Variants in DISP1 observed in about 807,000 individuals in gnomAD.
DISP1 encodes protein dispatched homolog 1.
In DISP1, 30 loss-of-function variants were observed where a neutral mutation model predicts 37.3. The observed-to-expected ratio is 0.80, with a 90% CI of 0.60 to 1.09. The LOEUF is 1.09. Among genes scored for constraint, DISP1 ranks in the 50% least tolerant of loss-of-function variants. The probability of loss-of-function intolerance (pLI) is 0.00; values close to 1 mark genes in which losing one functional copy is unlikely to be tolerated. For missense variants in DISP1, 1,598 were observed against 1,879.5 expected (o/e 0.85, Z 2.77); for synonymous variants, 634 against 690.2 (o/e 0.92, Z 1.28).
intron 1 of DISP1, among the ~76,000 whole-genome samples, chr1:222,896,062 C>G (rs1301131820): frequency 6.6e-6 from 1 of 152,094 alleles, no homozygotes; most frequent in Non-Finnish European, 1.5e-5. Context: ...GTAATCCCAG[C>G]AGTTTGGGAG....
intron 1 of DISP1, among the ~76,000 whole-genome samples, chr1:222,897,020 T>C (rs1235828257): frequency 6.6e-6 from 1 of 152,196 alleles, no homozygotes; most frequent in African/African-American, 2.4e-5. Flanking sequence ...CATGAAAACA[T>C]GTGCCCACAA....
rs747946151 is a variant in DISP1 at position 223,004,367 on chromosome 1, G to A, written c.2970G>A (p.Leu990=). The A allele has an allele frequency of 1.2e-6, 2 of 1,614,210 alleles. No individual in the cohort carries two copies. Among genetic ancestry groups the A allele is most frequent in the South Asian group, 2.2e-5 (2 of 91,084 alleles). ...ATGGCACCCTCATTGCCATGGGGCT[G>A]TCAGTTGCTGTTGCATTTAGCGTGA... ...LSDGTLIAMG[L]SVAVAFSVML... Residue 990 remains leucine (L), a synonymous_variant, in exon 9 of 9, where the codon CTG becomes CTA. Coordinates refer to ENST00000675850, the MANE Select transcript of DISP1 (RefSeq NM_001377229.1). The surrounding 1 kb of genome is among the most constrained non-coding windows in gnomAD (Gnocchi z 4.9).
At chr1:222,871,108 C>T (rs541579076) in intron 1 of DISP1, among the ~76,000 whole-genome samples, 101 of 151,804 alleles carry the variant, frequency 6.7e-4, no homozygotes, top group Admixed American at 1.8e-3. Flanking sequence ...TGTAGATACG[C>T]GGCATTATTT....
rs1034434962 is a variant in DISP1, at chr1:222,994,777, A to G, written c.890-108A>G. Reference sequence around the variant, plus strand: ...GGAAAGAATTTCCTGCTGCTAATGAATCATCCATGTGGTTTCCCAGTTTGA... The same window carrying G: ...GGAAAGAATTTCCTGCTGCTAATGAGTCATCCATGTGGTTTCCCAGTTTGA... On this transcript the variant is annotated intron_variant, in intron 7 of 8. Transcript: ENST00000675850. The G allele has an allele frequency of 1.7e-5, 13 of 787,462 alleles. No homozygotes were observed. In the African/African-American group the frequency reaches 1.9e-4, roughly 12 times the overall value. 48.8% of individuals were successfully genotyped at this position (787,462 alleles called of 1,614,324 possible).
chr1:222,922,757 A>C (rs571035064), intron 1 of DISP1, among the ~76,000 whole-genome samples: 8 of 152,306 alleles, frequency 5.3e-5, no homozygotes, highest in African/African-American at 1.9e-4. Flanking sequence ...GGCAGGAGAC[A>C]TAAAGCAGAA....
chr1:222,820,789 G>A (rs951515832), intron 1 of DISP1, among the ~76,000 whole-genome samples: 1 of 152,084 alleles, frequency 6.6e-6, no homozygotes, highest in Non-Finnish European at 1.5e-5. Context: ...TACATAATGT[G>A]CTTAGCATAA....
chr1:222,943,478 CA>C, intron 3 of DISP1, 146 bp downstream of exon 3: 1 of 1,099,692 alleles, frequency 9.1e-7, no homozygotes, highest in Non-Finnish European at 1.3e-6. Context: ...TGTGTGAAGC[CA>C]ACAAAAACGC....
At chr1:222,836,923 G>T (rs1667217054) in intron 1 of DISP1, 1 of 395,520 alleles carries the variant, frequency 2.5e-6, no homozygotes, top group Non-Finnish European at 4.5e-6. Context: ...TCTTTAATAG[G>T]GATTATAATA....
At chr1:223,000,874 T>C (rs879597885) in intron 8 of DISP1, among the ~76,000 whole-genome samples, 13 of 151,988 alleles carry the variant, frequency 8.6e-5, no homozygotes, top group Middle Eastern at 3.2e-3. Flanking sequence ...AAAGAGTGTT[T>C]TTAATCCTAC....
At chr1:222,853,080 T>G (rs994862924) in intron 1 of DISP1, among the ~76,000 whole-genome samples, 16 of 152,164 alleles carry the variant, frequency 1.1e-4, no homozygotes, top group Non-Finnish European at 2.2e-4. Flanking sequence ...ATTAGTTATT[T>G]CATAGAAAAA....
At chr1:222,871,240 G>A (rs1408960434) in intron 1 of DISP1, among the ~76,000 whole-genome samples, 1 of 152,146 alleles carries the variant, frequency 6.6e-6, no homozygotes, top group Non-Finnish European at 1.5e-5. Context: ...CTCCAGCTTT[G>A]TTCTTTTGGC....
chr1:222,947,962 G>A (rs1674918498), intron 3 of DISP1, among the ~76,000 whole-genome samples: 1 of 152,182 alleles, frequency 6.6e-6, no homozygotes, highest in South Asian at 2.1e-4. Flanking sequence ...GATTTAGGAG[G>A]TGGAATCTAC....
At chr1:222,904,091 T>G (rs1196674197) in intron 1 of DISP1, among the ~76,000 whole-genome samples, 1 of 152,212 alleles carries the variant, frequency 6.6e-6, no homozygotes, top group Non-Finnish European at 1.5e-5. Context: ...ATTTCCCTAA[T>G]TGGGAAGGAT....
intron 1 of DISP1, among the ~76,000 whole-genome samples, chr1:222,877,213 G>A (rs1670016950): frequency 1.3e-5 from 2 of 152,166 alleles, no homozygotes; most frequent in African/African-American, 4.8e-5. Flanking sequence ...CTTTGTGTTA[G>A]TCTGTTTTCA....
At chr1:222,964,254 G>A (rs965048791) in intron 3 of DISP1, among the ~76,000 whole-genome samples, 10 of 145,736 alleles carry the variant, frequency 6.9e-5, no homozygotes, top group Admixed American at 2.1e-4. Flanking sequence ...AACCAAGATC[G>A]CACCACTGCA....
At chr1:222,984,850 G>C (rs1224724938) in intron 4 of DISP1, among the ~76,000 whole-genome samples, 5 of 152,038 alleles carry the variant, frequency 3.3e-5, no homozygotes, top group African/African-American at 9.7e-5. Flanking sequence ...CTATGGGTTT[G>C]ACTGCTGTAA....
At chr1:222,897,344 A>G (rs1039350245) in intron 1 of DISP1, among the ~76,000 whole-genome samples, 1 of 152,186 alleles carries the variant, frequency 6.6e-6, no homozygotes, top group African/African-American at 2.4e-5. Context: ...AGAGGGTTAC[A>G]AGAGAACTTT....
chr1:222,872,998 A>G (rs1004415814), intron 1 of DISP1, among the ~76,000 whole-genome samples: 42 of 152,164 alleles, frequency 2.8e-4, no homozygotes, highest in Non-Finnish European at 2.5e-4. Flanking sequence ...GGTTTCAAAG[A>G]ACATCTTTAT....
In DISP1 at chr1:222,997,074, A is replaced by T. The variant is rs1418152075; in HGVS notation, c.987+2092A>T. On this transcript the variant is annotated intron_variant, in intron 8 of 8. Coordinates refer to ENST00000675850, the MANE Select transcript of DISP1 (RefSeq NM_001377229.1). ...TCTATATATATATATATATTTGTAA[A>T]CTACCTCAACATGATTTATATAGAT... Among the ~76,000 whole-genome samples, 509 of 151,670 alleles carry T rather than the reference A, an allele frequency of 3.4e-3. 1 individual carries two copies. Among genetic ancestry groups the T allele is most frequent in the African/African-American group, 0.011 (463 of 41,312 alleles).
Sources: allele counts gnomAD v4.1 joint callset (sites outside exome capture counted in the v4.1 genomes callset), GRCh38; gene constraint gnomAD v4.1.1; non-coding constraint Gnocchi (gnomAD v3.1); transcripts MANE v1.5; gene names NCBI Gene and HGNC (gene_info 2026-07-23, HGNC 2026-07-21).